DLG2: variants seen among roughly 807,000 people sequenced by gnomAD.
The protein encoded by DLG2 is disks large homolog 2.
Under a neutral mutation model 132.5 loss-of-function variants are expected in DLG2, and 45 were observed. That is an observed-to-expected ratio of 0.34 (90% CI 0.27 to 0.44). DLG2 has a LOEUF of 0.44. DLG2 is among the 20% of genes least tolerant of loss of function. DLG2 has a pLI of 1.00. For missense variants in DLG2, 1,045 were observed against 1,196.9 expected (o/e 0.87, Z 1.87); for synonymous variants, 424 against 419.6 (o/e 1.01, Z -0.13).
chr11:84,421,346 T>C (rs1029024755), intron 7 of DLG2, among the ~76,000 whole-genome samples: 2 of 152,146 alleles, frequency 1.3e-5, no homozygotes, highest in African/African-American at 4.8e-5. Flanking sequence ...CAAAACAGGA[T>C]CCCAGAGCAG....
In DLG2 at chr11:84,679,828, A is replaced by G. The variant is rs534417783; in HGVS notation, c.358-145097T>C. On this transcript the variant is annotated intron_variant, in intron 6 of 27. Transcript: ENST00000376104. ...ATTGGAATTCAGGCAGTCTGGATCC[A>G]GACCCCAGACTCTTATGAAAAAGAA... Among the ~76,000 whole-genome samples, 453 of 152,270 alleles carry G rather than the reference A, an allele frequency of 3.0e-3. 1 individual carries two copies. Among genetic ancestry groups the G allele is most frequent in the Non-Finnish European group, 4.9e-3 (333 of 68,002 alleles).
chr11:85,137,470 C>T (rs1353001356), intron 5 of DLG2, among the ~76,000 whole-genome samples: 1 of 152,098 alleles, frequency 6.6e-6, no homozygotes, highest in African/African-American at 2.4e-5. Flanking sequence ...ACTGCAAATC[C>T]TGAAATCGTT....
At chr11:84,228,450 C>A (rs2097040662) in intron 8 of DLG2, among the ~76,000 whole-genome samples, 1 of 152,196 alleles carries the variant, frequency 6.6e-6, no homozygotes, top group South Asian at 2.1e-4. Flanking sequence ...TTACTCCCAA[C>A]TATGTATTGC....
intron 7 of DLG2, among the ~76,000 whole-genome samples, chr11:84,391,338 A>G (rs1179031878): frequency 6.6e-6 from 1 of 152,196 alleles, no homozygotes; most frequent in African/African-American, 2.4e-5. Context: ...ATGATAAAGA[A>G]TGTCTGAAAG....
At chr11:84,596,193 T>TCTCC (rs1213490087) in intron 6 of DLG2, among the ~76,000 whole-genome samples, 9 of 145,410 alleles carry the variant, frequency 6.2e-5, no homozygotes, top group African/African-American at 2.0e-4. Flanking sequence ...TTTCTCTGTC[T>TCTCC]CTCTCTCTCT....
chr11:85,196,914 C>A (rs982008788), intron 4 of DLG2, among the ~76,000 whole-genome samples: 2 of 152,090 alleles, frequency 1.3e-5, no homozygotes, highest in Non-Finnish European at 1.5e-5. Context: ...GTGTAAACAC[C>A]CTTTTGTGAG....
At chr11:83,865,282 A>G (rs1404935405) in intron 16 of DLG2, among the ~76,000 whole-genome samples, 3 of 152,132 alleles carry the variant, frequency 2.0e-5, no homozygotes, top group African/African-American at 4.8e-5. Context: ...TCCCAGACAC[A>G]TGACCTTGGG....
chr11:84,002,010 A>G (rs2094371973), intron 11 of DLG2, among the ~76,000 whole-genome samples: 1 of 152,196 alleles, frequency 6.6e-6, no homozygotes, highest in Non-Finnish European at 1.5e-5. Context: ...TCAAGCAATT[A>G]GAAAAGCAAG....
intron 7 of DLG2, among the ~76,000 whole-genome samples, chr11:84,334,497 T>C (rs1268552039): frequency 6.6e-6 from 1 of 152,170 alleles, no homozygotes; most frequent in African/African-American, 2.4e-5. Context: ...CTTTGAAAGG[T>C]AATGTCACTT....
At chr11:84,572,111 AC>A (rs1206027936) in intron 6 of DLG2, among the ~76,000 whole-genome samples, 2 of 151,894 alleles carry the variant, frequency 1.3e-5, no homozygotes, top group Non-Finnish European at 2.9e-5. Flanking sequence ...GTACATGTGC[AC>A]AAAGTGCAGG....
At chr11:84,883,691 C>T (rs1350211500) in intron 6 of DLG2, among the ~76,000 whole-genome samples, 1 of 151,940 alleles carries the variant, frequency 6.6e-6, no homozygotes, top group Non-Finnish European at 1.5e-5. Context: ...TTTTAACTTC[C>T]AAGAAGTTAG....
chr11:83,607,374 C>A (rs138440800), intron 19 of DLG2, among the ~76,000 whole-genome samples: 1 of 152,066 alleles, frequency 6.6e-6, no homozygotes, highest in Non-Finnish European at 1.5e-5. Flanking sequence ...ACAGAAGAAC[C>A]GTCTCAGTTA....
chr11:84,120,084 T>C (rs2093832486), intron 9 of DLG2, among the ~76,000 whole-genome samples: 1 of 152,202 alleles, frequency 6.6e-6, no homozygotes, highest in African/African-American at 2.4e-5. Context: ...AAGGGAAGAA[T>C]TGGCCAGTCT....
At chr11:84,924,223 C>CTA (rs2092891019) in intron 6 of DLG2, among the ~76,000 whole-genome samples, 1 of 152,134 alleles carries the variant, frequency 6.6e-6, no homozygotes, top group Non-Finnish European at 1.5e-5. Flanking sequence ...ATTTAGGGTG[C>CTA]TATACCCTTA....
intron 7 of DLG2, among the ~76,000 whole-genome samples, chr11:84,419,961 T>G (rs965981025): frequency 3.9e-5 from 6 of 152,118 alleles, no homozygotes; most frequent in Non-Finnish European, 5.9e-5. Flanking sequence ...AATTAAAACC[T>G]TTTCCTACAC....
At chr11:83,502,073 A>G (rs2094472152) in intron 21 of DLG2, among the ~76,000 whole-genome samples, 1 of 152,206 alleles carries the variant, frequency 6.6e-6, no homozygotes, top group African/African-American at 2.4e-5. Context: ...TGTTGGTAAC[A>G]TTTGTTAAAT....
Position 85,087,134 on chromosome 11 carries a change from T to C in DLG2, c.357+24527A>G, listed in dbSNP as rs952795492. Among the ~76,000 whole-genome samples the C allele has an allele frequency of 2.2e-4, 33 of 152,222 alleles. 1 individual carries two copies. Among genetic ancestry groups the C allele is most frequent in the Admixed American group, 1.3e-3 (20 of 15,280 alleles). Reference sequence around the variant, plus strand: ...ATGCCTCAGGCATTATGCTAGGTACTAGGTATATAGTGAACAGAATAGACA... The same window carrying C: ...ATGCCTCAGGCATTATGCTAGGTACCAGGTATATAGTGAACAGAATAGACA... On this transcript the variant is annotated intron_variant, in intron 6 of 27. Transcript: ENST00000376104.
intron 7 of DLG2, among the ~76,000 whole-genome samples, chr11:84,467,451 G>C (rs1260145213): frequency 6.6e-6 from 1 of 151,324 alleles, no homozygotes; most frequent in Non-Finnish European, 1.5e-5. Context: ...GAGTAAACGT[G>C]GCAAAACGCT....
chr11:84,294,545 C>T (rs149050732), intron 7 of DLG2, among the ~76,000 whole-genome samples: 13 of 152,268 alleles, frequency 8.5e-5, no homozygotes, highest in East Asian at 3.9e-4. Context: ...TTGCAGTGAG[C>T]CGAGATCGCG....
Sources: gnomAD v4.1 joint callset for allele counts (sites outside exome capture counted in the v4.1 genomes callset) on GRCh38, gnomAD v4.1.1 for gene constraint, MANE v1.5 for transcripts, NCBI Gene and HGNC (gene_info 2026-07-23, HGNC 2026-07-21) for gene names.